The following ESR1 variants were observed in gnomAD, a reference collection of about 807,000 sequenced individuals.
ESR1 encodes the protein estrogen receptor 1, also known as estrogen receptor.
In ESR1, 12 loss-of-function variants were observed where a neutral mutation model predicts 52.7. The ratio of observed to expected loss-of-function variants is 0.23; its 90% CI spans 0.15 to 0.37. The LOEUF (loss-of-function observed/expected upper bound fraction) is 0.37, where lower values mean the gene tolerates loss of function less well. ESR1 is among the 10% of genes least tolerant of loss of function. ESR1 has a pLI of 1.00. For missense variants in ESR1, 584 were observed against 779.7 expected, an observed-to-expected ratio of 0.75 and a Z score of 2.99; for synonymous variants, 305 against 316.8, an observed-to-expected ratio of 0.96 and a Z score of 0.39.
Position 152,074,871 on chromosome 6 carries a change from C to G in ESR1, c.1369+13747C>G, listed in dbSNP as rs146558134. On this transcript the variant is annotated intron_variant, in intron 6 of 7. Coordinates refer to ENST00000206249, the MANE Select transcript of ESR1 (RefSeq NM_000125.4). ...GAGCATCTTTTAATAAGCTTATTTG[C>G]CATCTGTGTGTCTTCTGTGGTGAGG... 3.8e-3 allele frequency among the ~76,000 whole-genome samples: 575 copies of G among 152,208 alleles called. 2 individuals are homozygous for G. The highest frequency in any genetic ancestry group is 4.7e-3 in the Non-Finnish European group (321 of 68,002).
In ESR1 at chr6:151,880,692, C is replaced by T. The variant is rs1017988567; in HGVS notation, c.681C>T (p.Cys227=). 1 of 1,612,410 alleles carries T rather than the reference C, an allele frequency of 6.2e-7. No individual in the cohort carries two copies. Among genetic ancestry groups the T allele is most frequent in the Non-Finnish European group, 8.5e-7 (1 of 1,178,566 alleles). Reference sequence around the variant, plus strand: ...ATATGTGTCCAGCCACCAACCAGTGCACCATTGATAAAAACAGGAGGAAGA... The same window carrying T: ...ATATGTGTCCAGCCACCAACCAGTGTACCATTGATAAAAACAGGAGGAAGA... ...NDYMCPATNQ[C]TIDKNRRKSC... The change falls in exon 3 of 8, where the codon TGC becomes TGT. Residue 227 remains cysteine, a synonymous_variant. Transcript: ENST00000206249.
At chr6:151,958,311 T>G (rs1316563543) in intron 4 of ESR1, among the ~76,000 whole-genome samples, 1 of 143,340 alleles carries the variant, frequency 7.0e-6, no homozygotes, top group Non-Finnish European at 1.5e-5. Flanking sequence ...AAGGCTCTTT[T>G]GGGGAAAAAA....
chr6:151,986,043 G>A (rs1401603192), intron 4 of ESR1, among the ~76,000 whole-genome samples: 1 of 152,080 alleles, frequency 6.6e-6, no homozygotes, highest in South Asian at 2.1e-4. Context: ...CTGTTGATAA[G>A]TTTCTTCATT....
At position 151,773,379 on chromosome 6, in the gene ESR1, T is replaced by A. The variant is rs548971296; in HGVS notation, c.-70-34464T>A. ...CCCTGGAACTGTGAGACAATACATTTTTGATGTTTAAGCCACCCACTTTGC... is the reference window on the plus strand; with the variant it reads ...CCCTGGAACTGTGAGACAATACATTATTGATGTTTAAGCCACCCACTTTGC... On this transcript the variant is annotated intron_variant, in intron 2 of 2. Coordinates refer to the ESR1 transcript ENST00000404742. 1.7e-4 allele frequency among the ~76,000 whole-genome samples: 26 copies of A among 152,332 alleles called. No homozygotes were observed. In the South Asian group the frequency reaches 2.3e-3, roughly 13 times the overall value.
intron 2 of ESR1, among the ~76,000 whole-genome samples, chr6:151,769,782 AGGAAATAAGAGTGTAAGAT>A (rs1157161890): frequency 6.6e-6 from 1 of 152,210 alleles, no homozygotes; most frequent in East Asian, 1.9e-4. Context: ...TAAGCTTCAG[AGGAAATAAGAGTGTAAGAT>A]TTTTTTGAAC....
At chr6:151,737,669 A>G (rs1401854071) in intron 2 of ESR1, among the ~76,000 whole-genome samples, 1 of 152,152 alleles carries the variant, frequency 6.6e-6, no homozygotes, top group Non-Finnish European at 1.5e-5. Context: ...GGAGGCGACC[A>G]CTGTTACCAT....
At chr6:151,960,871 A>G (rs1327117804) in intron 4 of ESR1, among the ~76,000 whole-genome samples, 1 of 152,178 alleles carries the variant, frequency 6.6e-6, no homozygotes, top group South Asian at 2.1e-4. Context: ...GAGTGACCAC[A>G]TTTCAAATAT....
chr6:151,763,922 G>C (rs1012021845), intron 2 of ESR1, among the ~76,000 whole-genome samples: 14 of 152,164 alleles, frequency 9.2e-5, no homozygotes, highest in African/African-American at 3.1e-4. Flanking sequence ...GACGGGGAGT[G>C]ATGCCTGGAG....
intron 4 of ESR1, among the ~76,000 whole-genome samples, chr6:151,979,023 T>C (rs568987038): frequency 4.7e-4 from 72 of 152,298 alleles, no homozygotes; most frequent in East Asian, 2.1e-3. Context: ...ACAATAATAG[T>C]ATGTAAGTCG....
At chr6:152,015,183 A>C (rs2043076482) in intron 5 of ESR1, among the ~76,000 whole-genome samples, 2 of 152,192 alleles carry the variant, frequency 1.3e-5, no homozygotes, top group Admixed American at 1.3e-4. Context: ...GTCCAGGCTA[A>C]AAACACCTGG....
chr6:151,827,045 C>T (rs1336533443), intron 1 of ESR1, among the ~76,000 whole-genome samples: 9 of 151,824 alleles, frequency 5.9e-5, no homozygotes, highest in African/African-American at 9.7e-5. Flanking sequence ...TTGGAGGTGC[C>T]GGGCATGGTG....
At chr6:151,955,213 T>A (rs1407265283) in intron 4 of ESR1, among the ~76,000 whole-genome samples, 2 of 152,204 alleles carry the variant, frequency 1.3e-5, no homozygotes, top group African/African-American at 4.8e-5. Flanking sequence ...GTTAAGTAAT[T>A]TCTGATTTGC....
intron 3 of ESR1, among the ~76,000 whole-genome samples, chr6:151,918,216 G>A (rs1359074923): frequency 6.6e-6 from 1 of 152,218 alleles, no homozygotes. Context: ...GCCACAGCAG[G>A]TAGGAACCTA....
At chr6:151,681,992 G>A (rs552502326) in intron 1 of ESR1, among the ~76,000 whole-genome samples, 63 of 152,318 alleles carry the variant, frequency 4.1e-4, no homozygotes, top group Non-Finnish European at 6.9e-4. Flanking sequence ...ACAGGGCGCG[G>A]AGAAACTGAA....
intron 1 of ESR1, among the ~76,000 whole-genome samples, chr6:151,670,622 C>T (rs1778017375): frequency 6.6e-6 from 1 of 152,170 alleles, no homozygotes; most frequent in South Asian, 2.1e-4. Context: ...CTTGCTCTGT[C>T]ACCCAGACTG....
chr6:151,869,010 G>A (rs980989844), intron 2 of ESR1, among the ~76,000 whole-genome samples: 8 of 152,058 alleles, frequency 5.3e-5, no homozygotes, highest in Admixed American at 3.9e-4. Context: ...TTCTCCCAAA[G>A]CACCAAAATG....
chr6:152,068,134 A>C (rs919027198), intron 6 of ESR1, among the ~76,000 whole-genome samples: 2 of 152,246 alleles, frequency 1.3e-5, no homozygotes, highest in Admixed American at 6.5e-5. Flanking sequence ...ATGAGAGGCT[A>C]CCAAGGATGT....
chr6:151,683,548 C>G (rs1778536278), intron 1 of ESR1, among the ~76,000 whole-genome samples: 2 of 151,844 alleles, frequency 1.3e-5, no homozygotes, highest in African/African-American at 4.8e-5. Flanking sequence ...TCCCAGGTAG[C>G]CTGCAATCAA....
At chr6:151,840,046 T>A (rs1174246975) in intron 1 of ESR1, among the ~76,000 whole-genome samples, 2 of 152,216 alleles carry the variant, frequency 1.3e-5, no homozygotes, top group Non-Finnish European at 2.9e-5. Context: ...CTTCTGGCCA[T>A]GCGTATACTG....
Sources: gnomAD v4.1 joint callset for allele counts (sites outside exome capture counted in the v4.1 genomes callset) on GRCh38, gnomAD v4.1.1 for gene constraint, MANE v1.5 for transcripts, NCBI Gene and HGNC (gene_info 2026-07-23, HGNC 2026-07-21) for gene names.